Variants in SORT1 observed in about 807,000 individuals in gnomAD.
The protein encoded by SORT1 is sortilin.
A neutral mutation model predicts 101.7 loss-of-function variants in SORT1; 39 were observed. That is an observed-to-expected ratio of 0.38 (90% CI 0.30 to 0.50). SORT1 has a LOEUF of 0.50. Ranked by LOEUF, SORT1 falls within the 20% of genes least tolerant of loss-of-function variation. The pLI is 0.90. For missense variants in SORT1, 878 were observed against 1,040.4 expected (o/e 0.84, Z 2.15); for synonymous variants, 396 against 393.7 (o/e 1.01, Z -0.07).
intron 4 of SORT1, among the ~76,000 whole-genome samples, chr1:109,355,097 T>A (rs1650219506): frequency 6.6e-6 from 1 of 152,046 alleles, no homozygotes; most frequent in Non-Finnish European, 1.5e-5. Context: ...GGCAAGAGCC[T>A]GTAGTCCCAG....
chr1:109,340,068 G>GAACTTGGGA (rs2101578529), intron 10 of SORT1, among the ~76,000 whole-genome samples: 1 of 145,656 alleles, frequency 6.9e-6, no homozygotes, highest in African/African-American at 2.5e-5. Context: ...AGAATCCCTT[G>GAACTTGGGA]AACTTGGGAG....
rs1305581373 is a variant in SORT1, at chr1:109,311,262, T to C, written c.*2781A>G. On this transcript the variant is annotated 3_prime_UTR_variant, in exon 20 of 20. Coordinates refer to ENST00000256637, the MANE Select transcript of SORT1 (RefSeq NM_002959.7). The stretch of plus-strand genomic sequence containing the variant: ...GGACTGGTTTGTCCAATCTCTCTTA[T>C]AATGCTAAATTCCATTGCTGAAGCC... 7 of 152,252 alleles carry C rather than the reference T, an allele frequency of 4.6e-5. No individual in the cohort carries two copies. Among genetic ancestry groups the C allele is most frequent in the African/African-American group, 1.2e-4 (5 of 41,474 alleles). 9.4% of individuals were successfully genotyped at this position (152,252 alleles called of 1,614,324 possible). A position where few individuals can be genotyped will look rare whatever the true frequency, so the allele number is the denominator to read the frequency against.
intron 9 of SORT1, 42 bp from the exon 10 acceptor site, chr1:109,340,921 A>C: frequency 6.6e-7 from 1 of 1,518,414 alleles, no homozygotes; most frequent in Non-Finnish European, 8.9e-7. Context: ...TCTTGGGTGG[A>C]ACCAAAGAGA....
At chr1:109,328,386 T>C (rs1648225361) in intron 11 of SORT1, among the ~76,000 whole-genome samples, 2 of 152,204 alleles carry the variant, frequency 1.3e-5, no homozygotes, top group African/African-American at 4.8e-5. Flanking sequence ...TTTCTCCATA[T>C]CCTTGCCAAC....
In SORT1 at chr1:109,314,873, A is replaced by G; in HGVS notation, c.2251-95T>C. 3 of 673,616 alleles carry G rather than the reference A, an allele frequency of 4.5e-6. 1 individual carries two copies. In the South Asian group the frequency reaches 5.0e-5, roughly 11 times the overall value. The allele number at this position is 673,616 out of a possible 1,614,324, so 41.7% of individuals were successfully genotyped here. A position where few individuals can be genotyped will look rare whatever the true frequency, so the allele number is the denominator to read the frequency against. On this transcript the variant is annotated intron_variant, in intron 17 of 19. Coordinates refer to ENST00000256637, the MANE Select transcript of SORT1 (RefSeq NM_002959.7). ...ACTCATTCCCCTCATCTCTTTGTGA[A>G]TGATCTGCAGTCCTGATGCGCTTAA... is the stretch of plus-strand genomic sequence containing the variant.
chr1:109,325,269 C>T (rs1489439763), intron 13 of SORT1, among the ~76,000 whole-genome samples, 180 bp from the exon 14 acceptor site: 5 of 132,480 alleles, frequency 3.8e-5, no homozygotes, highest in African/African-American at 1.4e-4. Flanking sequence ...GATGGAGTCT[C>T]ACTCTGTCAC....
intron 3 of SORT1, among the ~76,000 whole-genome samples, chr1:109,356,583 T>C (rs1219257750): frequency 2.0e-5 from 3 of 152,180 alleles, no homozygotes; most frequent in African/African-American, 4.8e-5. Flanking sequence ...TAATCCACAG[T>C]AGTTATGAAA....
intron 5 of SORT1, among the ~76,000 whole-genome samples, chr1:109,352,399 CAATT>C: frequency 6.6e-6 from 1 of 152,224 alleles, no homozygotes; most frequent in East Asian, 1.9e-4. Flanking sequence ...AGAAGCCAAA[CAATT>C]AGAGTTCTCA....
At chr1:109,321,965 T>C (rs1647661957) in intron 15 of SORT1, among the ~76,000 whole-genome samples, 2 of 152,206 alleles carry the variant, frequency 1.3e-5, no homozygotes, top group Admixed American at 1.3e-4. Context: ...TAAACCTTGA[T>C]GGGACCATGA....
chr1:109,375,453 G>A (rs539665197), intron 1 of SORT1, among the ~76,000 whole-genome samples: 48 of 148,022 alleles, frequency 3.2e-4, no homozygotes, highest in African/African-American at 1.2e-3. Flanking sequence ...TGAGGCAGGA[G>A]AATGGCGTGA....
intron 11 of SORT1, among the ~76,000 whole-genome samples, chr1:109,328,795 C>T (rs542670333): frequency 3.3e-5 from 5 of 152,258 alleles, no homozygotes; most frequent in South Asian, 2.1e-4. Flanking sequence ...GATGGTGGTT[C>T]GAAATAAGAT....
chr1:109,354,513 C>G lies in SORT1; in HGVS notation c.562G>C (p.Val188Leu). ...NSGKVVLTAE[V>L]SGGSRGGRIF... is the part of the protein sequence containing the mutation. ...CTTCCTCCACGACTTCCTCCAGACA[C>G]CTCTGCTGTTAACACCACCTGATAG... The change falls in exon 5 of 20, where the codon GTG becomes CTG. Residue 188 changes from valine (V) to leucine (L), a missense_variant. By Grantham distance (32) the Val-to-Leu change is conservative. Coordinates refer to ENST00000256637, the MANE Select transcript of SORT1 (RefSeq NM_002959.7). 1 of 1,613,352 alleles carries G rather than the reference C, an allele frequency of 6.2e-7. No individual in the cohort carries two copies. Among genetic ancestry groups the G allele is most frequent in the Non-Finnish European group, 8.5e-7 (1 of 1,179,490 alleles).
At chr1:109,337,925 G>A (rs1314590691) in intron 10 of SORT1, among the ~76,000 whole-genome samples, 3 of 152,168 alleles carry the variant, frequency 2.0e-5, no homozygotes, top group Non-Finnish European at 4.4e-5. Flanking sequence ...TACACCCAGA[G>A]TGAAAACTTT....
At chr1:109,371,849 A>G (rs990632107) in intron 1 of SORT1, among the ~76,000 whole-genome samples, 4 of 152,200 alleles carry the variant, frequency 2.6e-5, no homozygotes, top group African/African-American at 7.2e-5. Flanking sequence ...ATAACCAATG[A>G]AGATTTGCTT....
At chr1:109,366,087 C>T (rs1417524736) in intron 3 of SORT1, among the ~76,000 whole-genome samples, 1 of 152,180 alleles carries the variant, frequency 6.6e-6, no homozygotes, top group Non-Finnish European at 1.5e-5. Context: ...ATGAGACAGA[C>T]ATAAATGATT....
chr1:109,317,818 C>T, intron 16 of SORT1, 35 bp downstream of exon 16: 1 of 1,301,758 alleles, frequency 7.7e-7, no homozygotes, highest in Non-Finnish European at 1.1e-6. Context: ...AAGAACACCT[C>T]ATCCATCGTG....
chr1:109,384,235 T>C (rs767776304), intron 1 of SORT1, among the ~76,000 whole-genome samples: 3 of 152,216 alleles, frequency 2.0e-5, no homozygotes, highest in Non-Finnish European at 2.9e-5. Flanking sequence ...AGACCTCTGA[T>C]GTCACTATCA....
At chr1:109,358,209 G>A (rs1193001375) in intron 3 of SORT1, among the ~76,000 whole-genome samples, 1 of 152,200 alleles carries the variant, frequency 6.6e-6, no homozygotes, top group Non-Finnish European at 1.5e-5. Context: ...TCAACCTGCT[G>A]GGACTTAAGT....
At chr1:109,364,576 C>T (rs1416692424) in intron 3 of SORT1, among the ~76,000 whole-genome samples, 1 of 152,106 alleles carries the variant, frequency 6.6e-6, no homozygotes, top group Non-Finnish European at 1.5e-5. Flanking sequence ...GAGGGGTTAC[C>T]AGCAGAGTGA....
Sources: gnomAD v4.1 joint callset for allele counts (sites outside exome capture counted in the v4.1 genomes callset) on GRCh38, gnomAD v4.1.1 for gene constraint, MANE v1.5 for transcripts, NCBI Gene and HGNC (gene_info 2026-07-23, HGNC 2026-07-21) for gene names.